ZCWPW2: variants seen among roughly 807,000 people sequenced by gnomAD.
ZCWPW2 encodes the protein zinc finger CW-type and PWWP domain containing 2.
A neutral mutation model predicts 46.6 loss-of-function variants in ZCWPW2; 45 were observed. That is an observed-to-expected ratio of 0.96 (90% CI 0.76 to 1.24). The LOEUF (loss-of-function observed/expected upper bound fraction) is 1.24, where lower values mean the gene tolerates loss of function less well. ZCWPW2 is among the 50% of genes most tolerant of loss of function. The probability of loss-of-function intolerance (pLI) is 0.00; values close to 1 mark genes in which losing one functional copy is unlikely to be tolerated. For synonymous variants in ZCWPW2, 152 were observed against 137.1 expected, an observed-to-expected ratio of 1.11 and a Z score of -0.76; for missense variants, 429 against 403.9, an observed-to-expected ratio of 1.06 and a Z score of -0.53.
chr3:28,473,114 C>T (rs1158541839), intron 4 of ZCWPW2, among the ~76,000 whole-genome samples: 2 of 152,116 alleles, frequency 1.3e-5, no homozygotes, highest in African/African-American at 4.8e-5. Context: ...AAAGGGGATC[C>T]TTGTACAGCG....
At chr3:28,497,589 GT>G (rs1485984307) in intron 6 of ZCWPW2, among the ~76,000 whole-genome samples, 1 of 152,044 alleles carries the variant, frequency 6.6e-6, no homozygotes, top group Admixed American at 6.6e-5. Flanking sequence ...TACTCACAGT[GT>G]TTCCCTGCTT....
intron 3 of ZCWPW2, among the ~76,000 whole-genome samples, chr3:28,425,337 T>C (rs1218226743): frequency 1.3e-5 from 2 of 152,206 alleles, no homozygotes; most frequent in African/African-American, 4.8e-5. Flanking sequence ...ATACTTATAT[T>C]GCTTATTCAG....
intron 1 of ZCWPW2, among the ~76,000 whole-genome samples, chr3:28,388,105 C>G (rs375775708): frequency 6.6e-6 from 1 of 152,068 alleles, no homozygotes; most frequent in African/African-American, 2.4e-5. Flanking sequence ...ATAATTCCTT[C>G]TTGCTTGGGG....
chr3:28,399,905 G>A (rs1695856106), intron 2 of ZCWPW2, among the ~76,000 whole-genome samples: 1 of 152,042 alleles, frequency 6.6e-6, no homozygotes, highest in African/African-American at 2.4e-5. Context: ...ACTAGCTCAT[G>A]AGCAATGGAT....
At chr3:28,481,733 C>CA (rs1296128320) in intron 5 of ZCWPW2, among the ~76,000 whole-genome samples, 3 of 151,436 alleles carry the variant, frequency 2.0e-5, no homozygotes, top group Non-Finnish European at 2.9e-5. Flanking sequence ...TTTATATTTA[C>CA]AAAAAATGTA....
At chr3:28,521,225 T>C in intron 9 of ZCWPW2, 109 bp downstream of exon 9, 9 of 1,236,570 alleles carry the variant, frequency 7.3e-6, no homozygotes, top group Non-Finnish European at 9.7e-6. Flanking sequence ...TTTTCATGTC[T>C]GAAATTTGAG....
intron 1 of ZCWPW2, among the ~76,000 whole-genome samples, chr3:28,382,162 CAAA>C (rs1237903671): frequency 8.6e-5 from 7 of 81,362 alleles, no homozygotes; most frequent in Admixed American, 2.7e-4. Context: ...AACTGCATCT[CAAA>C]AAAAAAAAAA....
chr3:28,480,803 A>G (rs1699399215), intron 5 of ZCWPW2, among the ~76,000 whole-genome samples: 1 of 150,946 alleles, frequency 6.6e-6, no homozygotes, highest in Non-Finnish European at 1.5e-5. Context: ...TTTTCTGCAT[A>G]TGGCTAGCCA....
chr3:28,458,792 A>C (rs1698519100), intron 4 of ZCWPW2, among the ~76,000 whole-genome samples: 1 of 152,184 alleles, frequency 6.6e-6, no homozygotes, highest in African/African-American at 2.4e-5. Flanking sequence ...ACCTTTAACC[A>C]GGGTCTTTCA....
intron 3 of ZCWPW2, among the ~76,000 whole-genome samples, chr3:28,421,738 T>C (rs1209887395): frequency 2.0e-5 from 3 of 151,950 alleles, no homozygotes; most frequent in African/African-American, 7.2e-5. Context: ...TTATGTTTTT[T>C]TTTTCATATA....
intron 8 of ZCWPW2, 85 bp downstream of exon 8, chr3:28,515,706 A>T: frequency 7.9e-7 from 1 of 1,259,486 alleles, no homozygotes; most frequent in Non-Finnish European, 1.1e-6. Flanking sequence ...AAGGAAAAAA[A>T]AAGATTTCCT....
At chr3:28,511,079 C>T (rs1207888976) in intron 6 of ZCWPW2, 8 of 455,648 alleles carry the variant, frequency 1.8e-5, no homozygotes, top group South Asian at 1.1e-4. Context: ...TGGGCATAAT[C>T]AATGCTGAAG....
intron 2 of ZCWPW2, among the ~76,000 whole-genome samples, chr3:28,404,243 G>C (rs969033607): frequency 2.7e-5 from 4 of 148,622 alleles, no homozygotes; most frequent in Admixed American, 2.7e-4. Flanking sequence ...ATTCTCAAAA[G>C]AGATATACAA....
intron 1 of ZCWPW2, among the ~76,000 whole-genome samples, chr3:28,350,808 A>G (rs1461009943): frequency 2.0e-5 from 3 of 151,808 alleles, no homozygotes; most frequent in African/African-American, 7.3e-5. Flanking sequence ...CTTGATAAGG[A>G]CATTTTATAG....
At chr3:28,391,990 C>T (rs2125718814) in intron 2 of ZCWPW2, among the ~76,000 whole-genome samples, 1 of 152,296 alleles carries the variant, frequency 6.6e-6, no homozygotes, top group East Asian at 1.9e-4. Flanking sequence ...TCAATAATTA[C>T]ATTGAATGTC....
chr3:28,461,310 T>C (rs1575162403), intron 4 of ZCWPW2, among the ~76,000 whole-genome samples: 1 of 152,136 alleles, frequency 6.6e-6, no homozygotes, highest in Non-Finnish European at 1.5e-5. Flanking sequence ...TGAATTACTT[T>C]AGTTTTAAAG....
chr3:28,413,301 T>G lies in ZCWPW2; in HGVS notation c.233T>G (p.Phe78Cys). The change falls in exon 3 of 10, where the codon TTC (phenylalanine) becomes TGC (cysteine). Residue 78 changes from phenylalanine (F) to cysteine (C), a missense_variant. Physicochemically the swap from Phe to Cys is radical, Grantham distance 205. Transcript: ENST00000383768. The stretch of plus-strand genomic sequence containing the variant: ...AACTGCTCAATTTCTGAAGAAGACT[T>G]CCCTGAAGAGTCTCAGCTTCATCAG... Reference protein sequence around the residue: ...YNNCSISEEDFPEESQLHQCG... With the variant: ...YNNCSISEEDCPEESQLHQCG... 1.9e-6 allele frequency: 3 copies of G among 1,613,316 alleles called. No individual in the cohort carries two copies. In the South Asian group the frequency reaches 3.3e-5, roughly 18 times the overall value.
chr3:28,370,697 A>G (rs1705302158), intron 1 of ZCWPW2, among the ~76,000 whole-genome samples: 2 of 152,148 alleles, frequency 1.3e-5, no homozygotes, highest in African/African-American at 4.8e-5. Flanking sequence ...GTTATAATTC[A>G]TGAACTTACT....
At chr3:28,436,692 T>C (rs1445300797) in intron 4 of ZCWPW2, among the ~76,000 whole-genome samples, 2 of 151,420 alleles carry the variant, frequency 1.3e-5, no homozygotes, top group Non-Finnish European at 2.9e-5. Flanking sequence ...TGTGAAAACA[T>C]TAAGTATGGA....
Sources: allele counts gnomAD v4.1 joint callset (sites outside exome capture counted in the v4.1 genomes callset), GRCh38; gene constraint gnomAD v4.1.1; transcripts MANE v1.5; gene names NCBI Gene and HGNC (gene_info 2026-07-23, HGNC 2026-07-21).